Variants in KCNQ3 observed in about 807,000 individuals in gnomAD.
The protein encoded by KCNQ3 is potassium voltage-gated channel subfamily KQT member 3.
A neutral mutation model predicts 92.5 loss-of-function variants in KCNQ3; 30 were observed. That is an observed-to-expected ratio of 0.32 (90% CI 0.24 to 0.44). KCNQ3 has a LOEUF of 0.44. Ranked by LOEUF, KCNQ3 falls within the 20% of genes least tolerant of loss-of-function variation. The pLI, the probability that KCNQ3 is intolerant of heterozygous loss-of-function variation, is 1.00. For missense variants in KCNQ3, 913 were observed against 1,140.3 expected, an observed-to-expected ratio of 0.80 and a Z score of 2.87; for synonymous variants, 450 against 468.8, an observed-to-expected ratio of 0.96 and a Z score of 0.52.
chr8:132,192,433 A>C (rs1827187637), intron 1 of KCNQ3, among the ~76,000 whole-genome samples: 1 of 152,208 alleles, frequency 6.6e-6, no homozygotes, highest in South Asian at 2.1e-4. Context: ...CCACTGATGG[A>C]CAAGGATGTG....
At chr8:132,183,589 C>T (rs1276269711) in intron 3 of KCNQ3, among the ~76,000 whole-genome samples, 1 of 152,136 alleles carries the variant, frequency 6.6e-6, no homozygotes, top group African/African-American at 2.4e-5. Context: ...GATTTTAGTC[C>T]ACACTGGACC....
chr8:132,129,668 G>A lies in KCNQ3; in HGVS notation c.2213C>T (p.Ala738Val). The change falls in exon 15 of 15, where the codon GCA becomes GTA. Residue 738 changes from alanine to valine, a missense_variant. By Grantham distance (64) the Ala-to-Val change is moderately conservative. This residue lies in a region of KCNQ3 where 375 missense variants were observed against 376.4 expected (regional missense o/e 1.00). Transcript: ENST00000388996. The surrounding 1 kb of genome is among the most constrained non-coding windows in gnomAD (Gnocchi z 5.9). The stretch of plus-strand genomic sequence containing the variant: ...CGTGGGCCTCTCCACATACGTTGTT[G>A]CTGAGGAAGGAGGAGTTGCCTGAAC... ...GKVQATPPSS[A>V]TTYVERPTVL... 6.2e-7 allele frequency: 1 copy of A among 1,614,186 alleles called. No individual in the cohort carries two copies. The highest frequency in any genetic ancestry group is 8.5e-7 in the Non-Finnish European group (1 of 1,180,032).
chr8:132,184,377 A>C lies in KCNQ3; in HGVS notation c.478-10T>G, dbSNP rs1263147270. On this transcript the variant is annotated splice_polypyrimidine_tract_variant and intron_variant, in intron 2 of 14. Coordinates refer to ENST00000388996, the MANE Select transcript of KCNQ3 (RefSeq NM_004519.4). Reference sequence around the variant, plus strand: ...AAATAGCAAATGTCTCCTGCATGGAAGAGCATATGGAGAGGCACTGATTAA... The same window carrying C: ...AAATAGCAAATGTCTCCTGCATGGACGAGCATATGGAGAGGCACTGATTAA... The C allele has an allele frequency of 1.2e-6, 2 of 1,613,820 alleles. No homozygotes were observed. Among genetic ancestry groups the C allele is most frequent in the Non-Finnish European group, 1.7e-6 (2 of 1,179,978 alleles).
chr8:132,328,505 A>G (rs944349412), intron 1 of KCNQ3, among the ~76,000 whole-genome samples: 4 of 152,086 alleles, frequency 2.6e-5, no homozygotes, highest in Admixed American at 1.3e-4. Flanking sequence ...AGCTGGGTGA[A>G]CACGCCCAAG....
intron 1 of KCNQ3, among the ~76,000 whole-genome samples, chr8:132,338,607 G>T (rs2130678935): frequency 6.6e-6 from 1 of 152,264 alleles, no homozygotes; most frequent in South Asian, 2.1e-4. Flanking sequence ...TGTTCAGAGG[G>T]AAGCCGAGGG....
Position 132,128,192 on chromosome 8 carries a change from A to G in KCNQ3, c.*1070T>C, listed in dbSNP as rs1356552310. 2 of 152,166 alleles carry G rather than the reference A, an allele frequency of 1.3e-5. No individual in the cohort carries two copies. Among genetic ancestry groups the G allele is most frequent in the Non-Finnish European group, 2.9e-5 (2 of 68,048 alleles). 9.4% of individuals were successfully genotyped at this position (152,166 alleles called of 1,614,324 possible). A position where few individuals can be genotyped will look rare whatever the true frequency, so the allele number is the denominator to read the frequency against. ...GTGGTGAGGGGAAACAAGGTCAGGG[A>G]GAGTGGGCAGACCTGACTTTTGAGT... On this transcript the variant is annotated 3_prime_UTR_variant, in exon 15 of 15. Transcript: ENST00000388996.
chr8:132,183,827 T>C (rs889369540), intron 3 of KCNQ3, among the ~76,000 whole-genome samples: 29 of 152,196 alleles, frequency 1.9e-4, no homozygotes, highest in African/African-American at 6.5e-4. Context: ...TAGAAGTAGA[T>C]TCTCAGCCAG....
chr8:132,331,156 T>A (rs1402553682), intron 1 of KCNQ3, among the ~76,000 whole-genome samples: 1 of 152,096 alleles, frequency 6.6e-6, no homozygotes, highest in South Asian at 2.1e-4. Flanking sequence ...CCAGGAGAAC[T>A]CCATCTAACC....
At chr8:132,198,837 C>T (rs751510366) in intron 1 of KCNQ3, among the ~76,000 whole-genome samples, 2 of 152,038 alleles carry the variant, frequency 1.3e-5, no homozygotes, top group Non-Finnish European at 2.9e-5. Flanking sequence ...ACAGGAGTAA[C>T]GAATTAAGGT....
intron 1 of KCNQ3, among the ~76,000 whole-genome samples, chr8:132,361,632 T>C (rs1819174674): frequency 6.6e-6 from 1 of 150,748 alleles, no homozygotes. Context: ...AAAAGAAATG[T>C]AAAAGGGTCA....
At chr8:132,334,284 C>G (rs766808876) in intron 1 of KCNQ3, among the ~76,000 whole-genome samples, 25 of 151,778 alleles carry the variant, frequency 1.6e-4, no homozygotes, top group Non-Finnish European at 2.9e-4. Context: ...ACCAGCCTGA[C>G]CAACATGGTG....
intron 1 of KCNQ3, among the ~76,000 whole-genome samples, chr8:132,307,888 C>G (rs1817476504): frequency 6.6e-6 from 1 of 152,110 alleles, no homozygotes; most frequent in African/African-American, 2.4e-5. Context: ...CACAGCTCCC[C>G]ACACTTCCAT....
At chr8:132,438,529 G>A (rs999761261) in intron 1 of KCNQ3, among the ~76,000 whole-genome samples, 1 of 152,138 alleles carries the variant, frequency 6.6e-6, no homozygotes, top group Non-Finnish European at 1.5e-5. Context: ...CAGAGGCCCT[G>A]GCCAGGCTCC....
intron 1 of KCNQ3, among the ~76,000 whole-genome samples, chr8:132,387,658 T>A (rs1272271696): frequency 6.6e-6 from 1 of 152,078 alleles, no homozygotes; most frequent in Non-Finnish European, 1.5e-5. Context: ...TATCAAAAGA[T>A]TACTGTCCTC....
In KCNQ3 at chr8:132,300,046, A is replaced by G. The variant is rs564058383; in HGVS notation, c.387-113865T>C. On this transcript the variant is annotated intron_variant, in intron 1 of 14. Transcript: ENST00000388996. ...ATTCCCTGACTAGAGGAAGTCCCTGACTGAGGACAAGGATTAGGTCTCATT... is the reference window on the plus strand; with the variant it reads ...ATTCCCTGACTAGAGGAAGTCCCTGGCTGAGGACAAGGATTAGGTCTCATT... Among the ~76,000 whole-genome samples the G allele has an allele frequency of 2.0e-5, 3 of 152,338 alleles. No homozygotes were observed. The South Asian group carries it at 6.2e-4, about 32-fold the overall frequency.
chr8:132,319,825 G>T (rs1010568913), intron 1 of KCNQ3, among the ~76,000 whole-genome samples: 10 of 152,296 alleles, frequency 6.6e-5, no homozygotes, highest in East Asian at 1.9e-4. Context: ...GGGACATGGG[G>T]CCTGAAGCCT....
intron 1 of KCNQ3, among the ~76,000 whole-genome samples, chr8:132,343,755 C>T (rs1818602177): frequency 6.6e-6 from 1 of 152,044 alleles, no homozygotes. Flanking sequence ...CTTGTGGAGA[C>T]CTCCACCTGG....
chr8:132,463,681 T>G (rs1329544774), intron 1 of KCNQ3, among the ~76,000 whole-genome samples: 1 of 152,228 alleles, frequency 6.6e-6, no homozygotes, highest in East Asian at 1.9e-4. Flanking sequence ...ACTTCTATTT[T>G]CAATGTAATT....
chr8:132,253,000 A>G (rs1815466870), intron 1 of KCNQ3, among the ~76,000 whole-genome samples: 1 of 152,160 alleles, frequency 6.6e-6, no homozygotes, highest in Non-Finnish European at 1.5e-5. Flanking sequence ...CACCACACTC[A>G]TCAGTAGAAC....
Sources: allele counts gnomAD v4.1 joint callset (sites outside exome capture counted in the v4.1 genomes callset), GRCh38; gene constraint gnomAD v4.1.1; regional missense constraint gnomAD v4.1.1; non-coding constraint Gnocchi (gnomAD v3.1); transcripts MANE v1.5; gene names NCBI Gene and HGNC (gene_info 2026-07-23, HGNC 2026-07-21).